IGF1R: variants seen among roughly 807,000 people sequenced by gnomAD.
IGF1R encodes insulin like growth factor 1 receptor.
A neutral mutation model predicts 144.6 loss-of-function variants in IGF1R; 44 were observed. The observed-to-expected ratio is 0.30, with a 90% CI of 0.24 to 0.39. The LOEUF is 0.39. IGF1R is among the 10% of genes least tolerant of loss of function. The pLI, the probability that IGF1R is intolerant of heterozygous loss-of-function variation, is 1.00. For synonymous variants in IGF1R, 795 were observed against 722.8 expected (o/e 1.10, Z -1.60); for missense variants, 1,355 against 1,833.7 (o/e 0.74, Z 4.77).
chr15:98,687,151 G>A (rs2053349697), intron 1 of IGF1R, among the ~76,000 whole-genome samples: 1 of 152,202 alleles, frequency 6.6e-6, no homozygotes, highest in East Asian at 1.9e-4. Flanking sequence ...AGCACCTGCT[G>A]TGTCTCAGAC....
chr15:98,926,252 T>C (rs1454268577), intron 13 of IGF1R, among the ~76,000 whole-genome samples: 1 of 152,154 alleles, frequency 6.6e-6, no homozygotes, highest in Non-Finnish European at 1.5e-5. Context: ...TTTCTGATAA[T>C]GCGGAATCTA....
chr15:98,650,365 GGCTGGGCGGTGGGGTGAGGGGAAGC>G (rs1045760439), intron 1 of IGF1R, among the ~76,000 whole-genome samples: 1 of 152,210 alleles, frequency 6.6e-6, no homozygotes, highest in Admixed American at 6.5e-5. Flanking sequence ...GGCGTCCCGG[GGCTGGGCGGTGGGGTGAGGGGAAGC>G]GCTCTCTGGG....
intron 2 of IGF1R, among the ~76,000 whole-genome samples, chr15:98,749,167 CTTTT>C (rs10609630): frequency 1.3e-5 from 2 of 149,106 alleles, no homozygotes; most frequent in Non-Finnish European, 3.0e-5. Context: ...TTAATAAATC[CTTTT>C]TTTTTTTTTT....
chr15:98,708,819 C>T (rs1314574450), intron 2 of IGF1R, among the ~76,000 whole-genome samples: 1 of 152,166 alleles, frequency 6.6e-6, no homozygotes, highest in Non-Finnish European at 1.5e-5. Flanking sequence ...GTTTACTGAA[C>T]AGTTGTGAAA....
At chr15:98,798,730 G>T (rs1390100719) in intron 2 of IGF1R, among the ~76,000 whole-genome samples, 2 of 151,708 alleles carry the variant, frequency 1.3e-5, no homozygotes, top group Admixed American at 6.6e-5. Flanking sequence ...GGCAGAGAGG[G>T]CTATTAGATC....
intron 5 of IGF1R, among the ~76,000 whole-genome samples, chr15:98,907,811 G>T (rs531687944): frequency 4.6e-5 from 7 of 152,238 alleles, no homozygotes; most frequent in Non-Finnish European, 8.8e-5. Flanking sequence ...CAGAAGCCAC[G>T]TCTGGTTTGG....
chr15:98,791,372 T>G (rs920602976), intron 2 of IGF1R, among the ~76,000 whole-genome samples: 3 of 152,250 alleles, frequency 2.0e-5, no homozygotes, highest in Admixed American at 2.0e-4. Context: ...ACTTATTACA[T>G]GTATTAAGGA....
At chr15:98,813,776 G>A (rs577193424) in intron 2 of IGF1R, among the ~76,000 whole-genome samples, 1 of 152,206 alleles carries the variant, frequency 6.6e-6, no homozygotes, top group Non-Finnish European at 1.5e-5. Flanking sequence ...CCTTATGTCC[G>A]AATGCTAAGA....
At chr15:98,937,302 C>T (rs1206541749) in intron 17 of IGF1R, among the ~76,000 whole-genome samples, 1 of 152,122 alleles carries the variant, frequency 6.6e-6, no homozygotes, top group Non-Finnish European at 1.5e-5. Context: ...CTGAAAAGTC[C>T]AAAACTCACT....
At chr15:98,899,706 C>G in intron 5 of IGF1R, 85 bp downstream of exon 5, 1 of 1,359,272 alleles carries the variant, frequency 7.4e-7, no homozygotes, top group South Asian at 1.2e-5. Flanking sequence ...GGTAAGAGCC[C>G]TCCCTGCCTT....
At chr15:98,710,275 T>C (rs147378328) in intron 2 of IGF1R, among the ~76,000 whole-genome samples, 7 of 152,324 alleles carry the variant, frequency 4.6e-5, no homozygotes, top group South Asian at 2.1e-4. Context: ...GGAGTACTTA[T>C]ATAAAATTGG....
chr15:98,829,331 C>G (rs1189556200), intron 2 of IGF1R, among the ~76,000 whole-genome samples: 3 of 151,428 alleles, frequency 2.0e-5, no homozygotes, highest in African/African-American at 7.3e-5. Context: ...TGGAATTGCT[C>G]TGATGTTTTT....
intron 2 of IGF1R, among the ~76,000 whole-genome samples, chr15:98,828,856 A>T (rs1353743549): frequency 7.1e-6 from 1 of 140,020 alleles, no homozygotes; most frequent in Admixed American, 7.7e-5. Flanking sequence ...TGTGGAGTGC[A>T]TTTGTTCATT....
intron 2 of IGF1R, among the ~76,000 whole-genome samples, chr15:98,791,283 T>A (rs965334972): frequency 1.2e-4 from 19 of 152,256 alleles, no homozygotes; most frequent in African/African-American, 4.6e-4. Context: ...TGATATTCTG[T>A]ATCTTGAAAA....
At chr15:98,749,839 A>T (rs573447686) in intron 2 of IGF1R, among the ~76,000 whole-genome samples, 20 of 151,132 alleles carry the variant, frequency 1.3e-4, no homozygotes, top group African/African-American at 4.8e-4. Flanking sequence ...TCATGGTGCC[A>T]CCTGAAAAAA....
intron 2 of IGF1R, among the ~76,000 whole-genome samples, chr15:98,752,613 G>A (rs534599367): frequency 1.3e-5 from 2 of 152,150 alleles, no homozygotes; most frequent in South Asian, 4.1e-4. Flanking sequence ...AACCCGGGAG[G>A]CGGAGCTTGC....
chr15:98,688,134 G>T (rs2053377272), intron 1 of IGF1R, among the ~76,000 whole-genome samples: 1 of 152,176 alleles, frequency 6.6e-6, no homozygotes, highest in African/African-American at 2.4e-5. Flanking sequence ...TGGCTTCTCA[G>T]TGTGCTCTCT....
At chr15:98,864,591 G>A (rs952349943) in intron 2 of IGF1R, among the ~76,000 whole-genome samples, 1 of 152,148 alleles carries the variant, frequency 6.6e-6, no homozygotes. Context: ...GGTCTGTGTT[G>A]CCCAGGTCCC....
chr15:98,918,317 G>A (rs1033044643), intron 10 of IGF1R, among the ~76,000 whole-genome samples: 1 of 152,148 alleles, frequency 6.6e-6, no homozygotes, highest in Non-Finnish European at 1.5e-5. Flanking sequence ...GACCCTGAGA[G>A]GAGCCTGTAG....
Sources: allele counts gnomAD v4.1 joint callset (sites outside exome capture counted in the v4.1 genomes callset), GRCh38; gene constraint gnomAD v4.1.1; transcripts MANE v1.5; gene names NCBI Gene and HGNC (gene_info 2026-07-23, HGNC 2026-07-21).